DPP6: variants seen among roughly 807,000 people sequenced by gnomAD.
DPP6 encodes dipeptidyl peptidase like 6, also known as A-type potassium channel modulatory protein DPP6.
A neutral mutation model predicts 122.6 loss-of-function variants in DPP6; 69 were observed. The ratio of observed to expected loss-of-function variants is 0.56; its 90% CI spans 0.46 to 0.69. The LOEUF is 0.69. DPP6 is among the 30% of genes least tolerant of loss of function. The pLI, the probability that DPP6 is intolerant of heterozygous loss-of-function variation, is 0.00. For missense variants in DPP6, 928 were observed against 1,116.9 expected (o/e 0.83, Z 2.41); for synonymous variants, 418 against 433.1 (o/e 0.97, Z 0.43).
chr7:153,824,315 A>G, the DPP6 span, among the ~76,000 whole-genome samples: 1 of 137,726 alleles, frequency 7.3e-6, no homozygotes. Flanking sequence ...TGAACCCGGG[A>G]GGTGGAGGTT....
rs183057831 is a variant in DPP6 at position 154,140,388 on chromosome 7, C to T, written c.243+87325C>T. Among the ~76,000 whole-genome samples, 330 of 152,308 alleles carry T rather than the reference C, an allele frequency of 2.2e-3. 2 individuals carry two copies. The highest frequency in any genetic ancestry group is 0.013 in the South Asian group (62 of 4,820). ...AAACATGTAAACATGGGTAACACTTCACTATAGTATAGTTCATGCCACTTG... is the reference window on the plus strand; with the variant it reads ...AAACATGTAAACATGGGTAACACTTTACTATAGTATAGTTCATGCCACTTG... On this transcript the variant is annotated intron_variant, in intron 1 of 25. Transcript: ENST00000377770.
chr7:154,492,429 C>T (rs917877499), intron 3 of DPP6, among the ~76,000 whole-genome samples: 2 of 152,120 alleles, frequency 1.3e-5, no homozygotes, highest in African/African-American at 2.4e-5. Context: ...ATAGGAATTT[C>T]AAAAGAAAAA....
chr7:154,035,074 A>G (rs1055533150), intron 1 of DPP6, among the ~76,000 whole-genome samples: 1 of 152,072 alleles, frequency 6.6e-6, no homozygotes, highest in African/African-American at 2.4e-5. Context: ...ACCTGAACCC[A>G]GCAACCTCTT....
intron 1 of DPP6, among the ~76,000 whole-genome samples, chr7:154,267,709 G>A (rs1273280415): frequency 1.6e-4 from 21 of 132,286 alleles, no homozygotes; most frequent in Admixed American, 3.1e-4. Context: ...ATATACACAC[G>A]TATATGCACA....
chr7:154,734,080 G>A (rs1386026219), intron 8 of DPP6, among the ~76,000 whole-genome samples: 1 of 152,220 alleles, frequency 6.6e-6, no homozygotes. Flanking sequence ...CGACGCAGAT[G>A]AAGAAAATCT....
At chr7:154,268,528 G>A (rs549223327) in intron 1 of DPP6, among the ~76,000 whole-genome samples, 24 of 152,260 alleles carry the variant, frequency 1.6e-4, no homozygotes, top group Non-Finnish European at 2.5e-4. Context: ...AACCCCTTCC[G>A]GAGGCCTTGC....
chr7:154,359,016 ATTC>A (rs958315358), intron 1 of DPP6, among the ~76,000 whole-genome samples: 2 of 152,186 alleles, frequency 1.3e-5, no homozygotes, highest in African/African-American at 4.8e-5. Flanking sequence ...AAGAAACAAT[ATTC>A]TTCTTTTAAA....
chr7:153,944,602 C>T (rs1801853113), intron 1 of DPP6, among the ~76,000 whole-genome samples: 1 of 148,538 alleles, frequency 6.7e-6, no homozygotes, highest in South Asian at 2.2e-4. Context: ...GGAGGCCTCA[C>T]AACACACGGG....
chr7:154,438,721 C>T (rs530639717), intron 1 of DPP6, among the ~76,000 whole-genome samples: 1 of 152,194 alleles, frequency 6.6e-6, no homozygotes, highest in South Asian at 2.1e-4. Context: ...TGTAAATCTG[C>T]TTTATTTCCT....
At chr7:154,611,715 G>A (rs1833920746) in intron 5 of DPP6, among the ~76,000 whole-genome samples, 1 of 152,178 alleles carries the variant, frequency 6.6e-6, no homozygotes, top group African/African-American at 2.4e-5. Flanking sequence ...GCAATTTTAA[G>A]AAATAATACA....
At chr7:153,923,792 T>C (rs1278246473) in intron 1 of DPP6, among the ~76,000 whole-genome samples, 1 of 147,994 alleles carries the variant, frequency 6.8e-6, no homozygotes, top group Non-Finnish European at 1.5e-5. Flanking sequence ...AGAAGATTCC[T>C]TCATCTTAGC....
the DPP6 span, among the ~76,000 whole-genome samples, chr7:153,849,755 A>T: frequency 6.6e-6 from 1 of 152,120 alleles, no homozygotes; most frequent in Non-Finnish European, 1.5e-5. Flanking sequence ...TGTGCATTAC[A>T]TTGCTATTTA....
intron 6 of DPP6, among the ~76,000 whole-genome samples, chr7:154,666,386 AT>A (rs1185692138): frequency 6.6e-6 from 1 of 151,960 alleles, no homozygotes; most frequent in Non-Finnish European, 1.5e-5. Flanking sequence ...ACAAATGATA[AT>A]TATATATATT....
At chr7:153,985,736 CA>C (rs1796812662) in intron 1 of DPP6, among the ~76,000 whole-genome samples, 3 of 152,228 alleles carry the variant, frequency 2.0e-5, no homozygotes, top group East Asian at 3.9e-4. Flanking sequence ...GACTAAATAA[CA>C]TTTTAGGAAA....
At chr7:154,514,619 G>A (rs1312092306) in intron 3 of DPP6, among the ~76,000 whole-genome samples, 1 of 152,088 alleles carries the variant, frequency 6.6e-6, no homozygotes, top group Admixed American at 6.6e-5. Context: ...GGGACCTCAT[G>A]TCAGTGGAAT....
chr7:153,971,353 C>G (rs1158488493), intron 1 of DPP6, among the ~76,000 whole-genome samples: 1 of 151,374 alleles, frequency 6.6e-6, no homozygotes, highest in Non-Finnish European at 1.5e-5. Context: ...TTCTACATAG[C>G]TGTTCATTTT....
intron 1 of DPP6, among the ~76,000 whole-genome samples, chr7:154,040,536 G>T (rs1165769600): frequency 1.4e-5 from 2 of 147,396 alleles, no homozygotes; most frequent in African/African-American, 5.4e-5. Context: ...AACAAGGCTG[G>T]TAAATATGGA....
intron 1 of DPP6, among the ~76,000 whole-genome samples, chr7:154,223,897 C>A (rs1800445387): frequency 6.7e-6 from 1 of 148,808 alleles, no homozygotes; most frequent in Non-Finnish European, 1.5e-5. Context: ...CACTGTGGCC[C>A]AGCCGGGGAA....
chr7:154,793,047 C>T (rs1797788137), intron 10 of DPP6, among the ~76,000 whole-genome samples: 1 of 152,192 alleles, frequency 6.6e-6, no homozygotes, highest in Non-Finnish European at 1.5e-5. Context: ...AGGCTCCAGC[C>T]AAGGCATCTG....
Sources: allele counts gnomAD v4.1 joint callset (sites outside exome capture counted in the v4.1 genomes callset), GRCh38; gene constraint gnomAD v4.1.1; transcripts MANE v1.5; gene names NCBI Gene and HGNC (gene_info 2026-07-23, HGNC 2026-07-21).